The following NCOA2 variants were observed in gnomAD, a reference collection of about 807,000 sequenced individuals.
NCOA2 encodes the protein nuclear receptor coactivator 2.
A neutral mutation model predicts 145.1 loss-of-function variants in NCOA2; 21 were observed. The ratio of observed to expected loss-of-function variants is 0.14; its 90% CI spans 0.10 to 0.21. The LOEUF is 0.21. NCOA2 is among the 10% of genes least tolerant of loss of function. The pLI, the probability that NCOA2 is intolerant of heterozygous loss-of-function variation, is 1.00. For synonymous variants in NCOA2, 619 were observed against 637.5 expected (o/e 0.97, Z 0.44); for missense variants, 1,472 against 1,837.6 (o/e 0.80, Z 3.64).
At chr8:70,278,468 C>G (rs997602959) in intron 2 of NCOA2, among the ~76,000 whole-genome samples, 1 of 152,118 alleles carries the variant, frequency 6.6e-6, no homozygotes, top group African/African-American at 2.4e-5. Flanking sequence ...CACAGGAGAC[C>G]AAACCAGGTC....
At chr8:70,320,278 A>G (rs918574896) in intron 1 of NCOA2, among the ~76,000 whole-genome samples, 1 of 152,160 alleles carries the variant, frequency 6.6e-6, no homozygotes, top group African/African-American at 2.4e-5. Context: ...ATTATGAGAA[A>G]AAGTGTTCTA....
chr8:70,412,095 C>T, the NCOA2 span, among the ~76,000 whole-genome samples: 5 of 151,996 alleles, frequency 3.3e-5, no homozygotes, highest in South Asian at 2.1e-4. Flanking sequence ...TCTTAGCATC[C>T]CTCACAGATT....
intron 1 of NCOA2, among the ~76,000 whole-genome samples, chr8:70,323,621 G>GA (rs1806290190): frequency 6.6e-6 from 1 of 151,942 alleles, no homozygotes; most frequent in Non-Finnish European, 1.5e-5. Flanking sequence ...TGAAGGGGGG[G>GA]AGATTATTGC....
chr8:70,331,290 A>G (rs113638863), intron 1 of NCOA2, among the ~76,000 whole-genome samples: 20 of 152,280 alleles, frequency 1.3e-4, no homozygotes, highest in African/African-American at 4.8e-4. Flanking sequence ...AACACAATAG[A>G]GTATAGCACA....
intron 4 of NCOA2, among the ~76,000 whole-genome samples, chr8:70,196,129 G>A (rs553005109): frequency 3.0e-4 from 45 of 152,298 alleles, no homozygotes; most frequent in African/African-American, 1.1e-3. Flanking sequence ...TGTAATCCCA[G>A]CATGTTGGGA....
At chr8:70,305,032 A>G (rs1242530140) in intron 1 of NCOA2, among the ~76,000 whole-genome samples, 2 of 145,542 alleles carry the variant, frequency 1.4e-5, no homozygotes, top group Non-Finnish European at 3.0e-5. Context: ...GCTGATTTTC[A>G]TATTTATTTA....
chr8:70,426,275 A>G, the NCOA2 span, among the ~76,000 whole-genome samples: 1 of 152,246 alleles, frequency 6.6e-6, no homozygotes, highest in African/African-American at 2.4e-5. Context: ...ATATGATATG[A>G]CACTATTTTT....
At chr8:70,162,670 A>T (rs1419533246) in intron 9 of NCOA2, 41 bp downstream of exon 9, 2 of 1,573,082 alleles carry the variant, frequency 1.3e-6, no homozygotes, top group Non-Finnish European at 8.7e-7. Flanking sequence ...AAGCTCCCAC[A>T]GGAAGCAATA....
At chr8:70,356,123 G>A (rs1809664261) in intron 1 of NCOA2, among the ~76,000 whole-genome samples, 1 of 152,032 alleles carries the variant, frequency 6.6e-6, no homozygotes, top group African/African-American at 2.4e-5. Context: ...AATTTAGAAG[G>A]ACTATGGGGA....
chr8:70,219,370 G>A (rs530622735), intron 2 of NCOA2, among the ~76,000 whole-genome samples: 60 of 152,258 alleles, frequency 3.9e-4, no homozygotes, highest in African/African-American at 1.4e-3. Context: ...TCGGCTTGAT[G>A]AACATAATTG....
intron 2 of NCOA2, among the ~76,000 whole-genome samples, chr8:70,224,521 T>C (rs924508462): frequency 2.6e-5 from 4 of 152,046 alleles, no homozygotes; most frequent in African/African-American, 9.7e-5. Context: ...TAGTGGGCAA[T>C]AAAAACAGTG....
intron 2 of NCOA2, among the ~76,000 whole-genome samples, chr8:70,254,504 C>T (rs567203393): frequency 5.5e-4 from 83 of 152,262 alleles, no homozygotes; most frequent in Non-Finnish European, 9.8e-4. Context: ...AAATGTGGTA[C>T]ACAATACAGT....
At chr8:70,278,852 G>A (rs1423854466) in intron 2 of NCOA2, among the ~76,000 whole-genome samples, 1 of 151,794 alleles carries the variant, frequency 6.6e-6, no homozygotes, top group Non-Finnish European at 1.5e-5. Flanking sequence ...TGTAATCCCA[G>A]CTACAAGGTA....
chr8:70,193,576 C>A (rs752675437), intron 4 of NCOA2, among the ~76,000 whole-genome samples: 1 of 152,132 alleles, frequency 6.6e-6, no homozygotes, highest in Non-Finnish European at 1.5e-5. Context: ...CCTCATCTGA[C>A]ATAAAGGATC....
intron 13 of NCOA2, among the ~76,000 whole-genome samples, chr8:70,143,446 T>C (rs1810686094): frequency 6.6e-6 from 1 of 152,176 alleles, no homozygotes; most frequent in African/African-American, 2.4e-5. Flanking sequence ...TATAGAACTT[T>C]ATATAAATCA....
At chr8:70,259,769 A>G (rs1230097638) in intron 2 of NCOA2, among the ~76,000 whole-genome samples, 1 of 152,256 alleles carries the variant, frequency 6.6e-6, no homozygotes, top group Non-Finnish European at 1.5e-5. Context: ...ATCACTCAAT[A>G]AAACCTCAAT....
chr8:70,214,591 G>A (rs1164060487), intron 3 of NCOA2, among the ~76,000 whole-genome samples: 1 of 152,256 alleles, frequency 6.6e-6, no homozygotes, highest in Non-Finnish European at 1.5e-5. Flanking sequence ...AAACCAAACA[G>A]CCTTTTTAGG....
chr8:70,187,822 C>A (rs1816245245), intron 4 of NCOA2, among the ~76,000 whole-genome samples: 1 of 152,120 alleles, frequency 6.6e-6, no homozygotes, highest in African/African-American at 2.4e-5. Context: ...AAAATAAAAT[C>A]CTCATAAAAT....
the NCOA2 span, among the ~76,000 whole-genome samples, chr8:70,438,481 A>G: frequency 2.0e-5 from 3 of 152,134 alleles, no homozygotes; most frequent in Non-Finnish European, 2.9e-5. Flanking sequence ...AAAGCTAGAC[A>G]TATGTACAGC....
Sources: gnomAD v4.1 joint callset for allele counts (sites outside exome capture counted in the v4.1 genomes callset) on GRCh38, gnomAD v4.1.1 for gene constraint, MANE v1.5 for transcripts, NCBI Gene and HGNC (gene_info 2026-07-23, HGNC 2026-07-21) for gene names.